NUCB2: variants seen among roughly 807,000 people sequenced by gnomAD.
NUCB2 encodes nucleobindin-2.
Under a neutral mutation model 57.9 loss-of-function variants are expected in NUCB2, and 48 were observed. That is an observed-to-expected ratio of 0.83 (90% CI 0.66 to 1.05). The LOEUF (loss-of-function observed/expected upper bound fraction) is 1.05. Ranked by LOEUF, NUCB2 falls within the 50% of genes least tolerant of loss-of-function variation. NUCB2 has a pLI of 0.00. For synonymous variants in NUCB2, 139 were observed against 152.1 expected (o/e 0.91, Z 0.64); for missense variants, 442 against 476.2 (o/e 0.93, Z 0.67).
At chr11:17,295,559 A>G (rs748539619) in intron 3 of NUCB2, 92 bp downstream of exon 3, 13 of 950,272 alleles carry the variant, frequency 1.4e-5, no homozygotes, top group Non-Finnish European at 2.1e-5. Flanking sequence ...TGAAACTATA[A>G]CTAAATGAAA....
intron 2 of NUCB2, 123 bp from the exon 3 acceptor site, chr11:17,295,201 A>ATT: frequency 7.0e-6 from 5 of 719,002 alleles, no homozygotes; most frequent in South Asian, 3.0e-5. Context: ...CTTTCCTATA[A>ATT]TTTTTTTTTT....
At chr11:17,296,771 A>G (rs1945888683) in intron 4 of NUCB2, among the ~76,000 whole-genome samples, 1 of 152,138 alleles carries the variant, frequency 6.6e-6, no homozygotes, top group East Asian at 1.9e-4. Context: ...TGGCCAAAAG[A>G]TGAGGTTTGG....
Position 17,330,897 on chromosome 11 carries a change from AC to A in NUCB2, c.1174-3del. ...TACTTTTAACTTTCATTTTCCATTC[AC>A]CAGGTCATACAGCAGATGGAACAAA... is the stretch of plus-strand genomic sequence containing the variant. On this transcript the variant is annotated splice_region_variant and splice_polypyrimidine_tract_variant and intron_variant, in intron 12 of 13. Transcript: ENST00000529010. The surrounding 1 kb of genome is among the most constrained non-coding windows in gnomAD (Gnocchi z 4.3). 3 of 1,555,376 alleles carry A rather than the reference AC, an allele frequency of 1.9e-6. No homozygotes were observed. The highest frequency in any genetic ancestry group is 2.7e-6 in the Non-Finnish European group (3 of 1,126,986).
chr11:17,310,879 TATGAA>T lies in NUCB2; in HGVS notation c.543_547del (p.Glu181AspfsTer5). On this transcript the variant is annotated frameshift_variant, in exon 7 of 14. Coordinates refer to ENST00000529010, the MANE Select transcript of NUCB2 (RefSeq NM_005013.4). LOFTEE classifies it high-confidence loss of function. The stretch of plus-strand genomic sequence containing the variant: ...GACTCGTCATGAAGAATTTAAAAAA[TATGAA>T]ATGATGAAGGAACATGAAAGGAGAG... The T allele has an allele frequency of 6.3e-7, 1 of 1,594,356 alleles. No homozygotes were observed. The highest frequency in any genetic ancestry group is 8.5e-7 in the Non-Finnish European group (1 of 1,175,106).
intron 2 of NUCB2, among the ~76,000 whole-genome samples, chr11:17,341,173 G>A (rs1231481765): frequency 6.6e-6 from 1 of 152,196 alleles, no homozygotes; most frequent in Non-Finnish European, 1.5e-5. Flanking sequence ...TTTGTATCCT[G>A]AGACTTTGCT....
intron 2 of NUCB2, among the ~76,000 whole-genome samples, chr11:17,345,893 G>A (rs1030632398): frequency 2.0e-5 from 3 of 152,036 alleles, no homozygotes; most frequent in Non-Finnish European, 2.9e-5. Flanking sequence ...CAGAAAAACA[G>A]AGACTTTATA....
At chr11:17,288,975 T>TTTTTTA (rs1944467142) in intron 2 of NUCB2, among the ~76,000 whole-genome samples, 1 of 138,760 alleles carries the variant, frequency 7.2e-6, no homozygotes. Flanking sequence ...TTTTTTTTTT[T>TTTTTTA]GAGATGGAGT....
At chr11:17,281,555 A>G (rs1942572126) in intron 1 of NUCB2, among the ~76,000 whole-genome samples, 1 of 152,196 alleles carries the variant, frequency 6.6e-6, no homozygotes, top group South Asian at 2.1e-4. Context: ...TGTGCTGGTT[A>G]CTTTGTATTC....
chr11:17,295,183 ATTCTT>A (rs1945620101), intron 2 of NUCB2, 136 bp from the exon 3 acceptor site: 6 of 603,022 alleles, frequency 9.9e-6, no homozygotes, highest in Non-Finnish European at 1.6e-5. Context: ...GTTTTAATCT[ATTCTT>A]TCCTTTCCTA....
At position 17,306,929 on chromosome 11, in the gene NUCB2, A is replaced by C. The variant is rs564938665; in HGVS notation, c.380-2643A>C. ...TCCGTCTCAAAAAAAAAAAAAAAGA[A>C]AAGAAAACAGTCTGATGTAACTTTT... is the stretch of plus-strand genomic sequence containing the variant. On this transcript the variant is annotated intron_variant, in intron 5 of 13. Coordinates refer to ENST00000529010, the MANE Select transcript of NUCB2 (RefSeq NM_005013.4). Among the ~76,000 whole-genome samples the C allele has an allele frequency of 2.6e-4, 39 of 151,946 alleles. No individual in the cohort carries two copies. In the East Asian group the frequency reaches 7.3e-3, roughly 28 times the overall value.
downstream of NUCB2, among the ~76,000 whole-genome samples, chr11:17,335,235 T>TA (rs1440130930): frequency 6.6e-6 from 1 of 151,920 alleles, no homozygotes; most frequent in Non-Finnish European, 1.5e-5. Flanking sequence ...TGATGACTAC[T>TA]ATCTGTGACA....
downstream of NUCB2, among the ~76,000 whole-genome samples, chr11:17,335,665 C>G (rs534714241): frequency 1.3e-4 from 20 of 152,298 alleles, no homozygotes; most frequent in South Asian, 3.9e-3. Context: ...CCGTGCCTGG[C>G]TACTTTTTGT....
chr11:17,335,948 T>C (rs12293604), downstream of NUCB2, among the ~76,000 whole-genome samples: 1,057 of 152,364 alleles, frequency 6.9e-3, 13 homozygotes, highest in African/African-American at 0.024. Flanking sequence ...TAATTTGAAG[T>C]TTTGTTTCAC....
intron 2 of NUCB2, among the ~76,000 whole-genome samples, chr11:17,337,881 C>T (rs1403682890): frequency 2.0e-5 from 3 of 152,092 alleles, no homozygotes; most frequent in Admixed American, 6.5e-5. Context: ...GTGATCTGCC[C>T]GCCTCAGCCT....
At chr11:17,306,826 C>T (rs914190166) in intron 5 of NUCB2, among the ~76,000 whole-genome samples, 17 of 151,394 alleles carry the variant, frequency 1.1e-4, no homozygotes, top group Non-Finnish European at 2.1e-4. Context: ...GAAGGAGAAT[C>T]GCTTGAACAC....
chr11:17,293,240 C>G (rs1014045751), intron 2 of NUCB2, among the ~76,000 whole-genome samples: 1 of 126,726 alleles, frequency 7.9e-6, no homozygotes, highest in Non-Finnish European at 1.6e-5. Context: ...GGCGATAGAG[C>G]AAGACTCTGT....
intron 2 of NUCB2, among the ~76,000 whole-genome samples, chr11:17,283,168 T>TC (rs1215778573): frequency 6.6e-6 from 1 of 152,218 alleles, no homozygotes; most frequent in African/African-American, 2.4e-5. Flanking sequence ...TTATCAGTGA[T>TC]CCCTAAGACA....
At chr11:17,321,587 T>C (rs1353878467) in intron 11 of NUCB2, among the ~76,000 whole-genome samples, 1 of 152,188 alleles carries the variant, frequency 6.6e-6, no homozygotes, top group Non-Finnish European at 1.5e-5. Context: ...CTCTTTGATA[T>C]ACCAATTTCC....
chr11:17,284,785 A>T (rs957184559), intron 2 of NUCB2, among the ~76,000 whole-genome samples: 2 of 151,992 alleles, frequency 1.3e-5, no homozygotes, highest in Non-Finnish European at 2.9e-5. Flanking sequence ...ATGACTTTTA[A>T]TTTTTTTTAA....
Sources: allele counts gnomAD v4.1 joint callset (sites outside exome capture counted in the v4.1 genomes callset), GRCh38; gene constraint gnomAD v4.1.1; non-coding constraint Gnocchi (gnomAD v3.1); transcripts MANE v1.5; gene names NCBI Gene and HGNC (gene_info 2026-07-23, HGNC 2026-07-21).